The following CLCN5 variants were observed in gnomAD, a reference collection of about 807,000 sequenced individuals.
CLCN5 encodes H(+)/Cl(-) exchange transporter 5.
A neutral mutation model predicts 54.0 loss-of-function variants in CLCN5; 17 were observed. The observed-to-expected ratio is 0.31, with a 90% CI of 0.22 to 0.47. CLCN5 has a LOEUF of 0.47. CLCN5 is among the 20% of genes least tolerant of loss of function. CLCN5 has a pLI of 1.00. For missense variants in CLCN5, 448 were observed against 646.7 expected (o/e 0.69, Z 3.33); for synonymous variants, 222 against 233.0 (o/e 0.95, Z 0.43).
At chrX:50,071,235 T>C (rs1240459904) in intron 5 of CLCN5, among the ~76,000 whole-genome samples, 1 of 111,606 alleles carries the variant, frequency 9.0e-6, no homozygotes, top group Non-Finnish European at 1.9e-5. Flanking sequence ...AAATTCCTTC[T>C]TAATCCATGG....
chrX:50,078,570 G>A (rs782551290), intron 7 of CLCN5, among the ~76,000 whole-genome samples: 15 of 112,460 alleles, frequency 1.3e-4, no homozygotes, highest in Admixed American at 6.5e-4. Context: ...GTGCGCGCAC[G>A]CATGTAGTTC....
At chrX:49,977,105 T>C (rs1557177024) in intron 3 of CLCN5, among the ~76,000 whole-genome samples, 3 of 111,138 alleles carry the variant, frequency 2.7e-5, no homozygotes, top group Non-Finnish European at 5.7e-5. Context: ...CAGATTTTAT[T>C]TGGATTGTTC....
chrX:50,052,390 G>A (rs1019063704), intron 4 of CLCN5, among the ~76,000 whole-genome samples: 16 of 111,766 alleles, frequency 1.4e-4, no homozygotes, highest in African/African-American at 4.5e-4. Flanking sequence ...ACTTGGTTGG[G>A]ATTCCACTTG....
At chrX:49,947,235 C>G (rs1007937491) in intron 3 of CLCN5, among the ~76,000 whole-genome samples, 2 of 111,661 alleles carry the variant, frequency 1.8e-5, no homozygotes, top group African/African-American at 3.3e-5. Flanking sequence ...CATCTACTTA[C>G]AAAGATAAAA....
chrX:50,011,044 C>T (rs1557182468), intron 3 of CLCN5, among the ~76,000 whole-genome samples: 1 of 111,451 alleles, frequency 9.0e-6, no homozygotes, highest in Non-Finnish European at 1.9e-5. Context: ...CACATAAATA[C>T]GCTGTGTGCA....
At chrX:50,064,260 C>G (rs1932924247) in intron 4 of CLCN5, among the ~76,000 whole-genome samples, 3 of 109,994 alleles carry the variant, frequency 2.7e-5, no homozygotes, top group African/African-American at 1.0e-4. Context: ...TCTATAAAAC[C>G]CCGTCGTCTC....
At chrX:49,988,798 A>T (rs1314393729) in intron 3 of CLCN5, among the ~76,000 whole-genome samples, 4 of 111,684 alleles carry the variant, frequency 3.6e-5, no homozygotes, top group African/African-American at 9.8e-5. Context: ...TTCCTTTCTT[A>T]TCTCTGTAAA....
chrX:49,953,706 T>G (rs782226907), intron 3 of CLCN5, among the ~76,000 whole-genome samples: 71 of 112,365 alleles, frequency 6.3e-4, no homozygotes, highest in Non-Finnish European at 1.2e-3. Context: ...TTCCCTATCA[T>G]TACATGTGCT....
chrX:50,014,325 T>G (rs782016630), intron 3 of CLCN5, among the ~76,000 whole-genome samples: 1 of 111,997 alleles, frequency 8.9e-6, no homozygotes, highest in South Asian at 3.8e-4. Context: ...ACTTAGTACA[T>G]GCTAACGCTG....
chrX:50,066,017 A>T (rs1392528003), intron 4 of CLCN5, among the ~76,000 whole-genome samples: 3 of 37,691 alleles, frequency 8.0e-5, no homozygotes, highest in African/African-American at 2.4e-4. Context: ...TGTGGTGGGG[A>T]GGGGGGAGGG....
rs1403322383 is a variant in CLCN5 at position 50,086,758 on chromosome X, G to C, written c.1445G>C (p.Gly482Ala). 10 of 1,209,067 alleles carry C rather than the reference G, an allele frequency of 8.3e-6. No homozygotes were observed. The highest frequency in any genetic ancestry group is 3.0e-5 in the East Asian group (1 of 33,717). ...DYENRFNTSK[G>A]GELPDRPAGV... ...GAGAACCGTTTCAACACAAGCAAAGGGGGTGAACTGCCTGACAGACCGGCT... is the reference window on the plus strand; with the variant it reads ...GAGAACCGTTTCAACACAAGCAAAGCGGGTGAACTGCCTGACAGACCGGCT... The change falls in exon 11 of 15, where the codon GGG becomes GCG. Residue 482 changes from glycine to alanine, a missense_variant. Transcript: ENST00000376091.
chrX:49,941,824 C>G (rs1436562941), intron 3 of CLCN5, among the ~76,000 whole-genome samples: 1 of 110,032 alleles, frequency 9.1e-6, no homozygotes, highest in Non-Finnish European at 1.9e-5. Context: ...CACAATTGTT[C>G]CCATTACTCC....
chrX:49,956,738 A>G (rs1557173923), intron 3 of CLCN5, among the ~76,000 whole-genome samples: 1 of 112,103 alleles, frequency 8.9e-6, no homozygotes, highest in African/African-American at 3.2e-5. Context: ...TTTAACCTAC[A>G]TTATAATTAT....
chrX:50,014,752 G>T (rs1389228683), intron 3 of CLCN5: 5 of 297,595 alleles, frequency 1.7e-5, no homozygotes, highest in South Asian at 3.1e-5. Flanking sequence ...TAGTTTTTGA[G>T]TGATGGGTGT....
Position 50,097,547 on chromosome X carries a change from A to T in CLCN5, c.*5328A>T, listed in dbSNP as rs1934298424. The T allele has an allele frequency of 9.1e-6, 1 of 110,305 alleles. No homozygotes were observed. 9.1% of individuals were successfully genotyped at this position (110,305 alleles called of 1,213,427 possible). The stretch of plus-strand genomic sequence containing the variant: ...AAACAGCATGTGATAATATAAAAAT[A>T]TGAGAGTTTAAAAAAAAAAAAGATC... On this transcript the variant is annotated 3_prime_UTR_variant, in exon 15 of 15. Transcript: ENST00000376091.
At chrX:49,982,507 A>G (rs1380506240) in intron 3 of CLCN5, among the ~76,000 whole-genome samples, 1 of 111,392 alleles carries the variant, frequency 9.0e-6, no homozygotes, top group Admixed American at 9.6e-5. Flanking sequence ...GTTTTATGTT[A>G]TTGGCAATTA....
At chrX:50,057,116 C>A (rs1557189057) in intron 4 of CLCN5, among the ~76,000 whole-genome samples, 1 of 110,775 alleles carries the variant, frequency 9.0e-6, no homozygotes, top group African/African-American at 3.3e-5. Context: ...GTGATATTGG[C>A]TGTCAGACAT....
intron 4 of CLCN5, among the ~76,000 whole-genome samples, chrX:50,047,008 C>T (rs1324755628): frequency 1.8e-5 from 2 of 110,948 alleles, no homozygotes; most frequent in Non-Finnish European, 3.8e-5. Context: ...CATAACCTAC[C>T]AAAATCCAGG....
At chrX:49,924,988 C>T (rs1440712758) in intron 2 of CLCN5, among the ~76,000 whole-genome samples, 183 bp from the exon 3 acceptor site, 4 of 112,523 alleles carry the variant, frequency 3.6e-5, no homozygotes, top group African/African-American at 1.3e-4. Context: ...CACTGAGTGG[C>T]AACATTAACT....
Sources: allele counts gnomAD v4.1 joint callset (sites outside exome capture counted in the v4.1 genomes callset), GRCh38; gene constraint gnomAD v4.1.1; transcripts MANE v1.5; gene names NCBI Gene and HGNC (gene_info 2026-07-23, HGNC 2026-07-21).